Variants in EFL1 observed in about 807,000 individuals in gnomAD.
The protein encoded by EFL1 is elongation factor-like GTPase 1.
Under a neutral mutation model 126.7 loss-of-function variants are expected in EFL1, and 76 were observed. The ratio of observed to expected loss-of-function variants is 0.60; its 90% CI spans 0.50 to 0.73. The LOEUF (loss-of-function observed/expected upper bound fraction) is 0.73, where lower values mean the gene tolerates loss of function less well. EFL1 is among the 30% of genes least tolerant of loss of function. EFL1 has a pLI of 0.00. For synonymous variants in EFL1, 410 were observed against 448.4 expected (o/e 0.91, Z 1.08); for missense variants, 1,128 against 1,343.2 (o/e 0.84, Z 2.50).
Position 82,227,418 on chromosome 15 carries a change from T to A in EFL1, c.1192+32A>T, listed in dbSNP as rs552729269. On this transcript the variant is annotated intron_variant, in intron 11 of 19. Coordinates refer to ENST00000268206, the MANE Select transcript of EFL1 (RefSeq NM_024580.6). ...CCTGGATGGAGGACAGTCAATGACATGGTATATTCCAACAGGTCCATCTTT... is the reference window on the plus strand; with the variant it reads ...CCTGGATGGAGGACAGTCAATGACAAGGTATATTCCAACAGGTCCATCTTT... 6.8e-6 allele frequency: 11 copies of A among 1,613,906 alleles called. No individual in the cohort carries two copies. The African/African-American group carries it at 1.2e-4, about 18-fold the overall frequency.
rs140370147 is a variant in EFL1 at position 82,139,860 on chromosome 15, G to A, written c.2990-1018C>T. Among the ~76,000 whole-genome samples, 235 of 152,324 alleles carry A rather than the reference G, an allele frequency of 1.5e-3. 1 individual carries two copies. Among genetic ancestry groups the A allele is most frequent in the Admixed American group, 0.013 (203 of 15,298 alleles). On this transcript the variant is annotated intron_variant, in intron 18 of 19. Transcript: ENST00000268206. Reference sequence around the variant, plus strand: ...CTTCTCTCCTAACTGCCAAGGTGATGAGTCTGGAGTGTCTGCTACCCACTT... The same window carrying A: ...CTTCTCTCCTAACTGCCAAGGTGATAAGTCTGGAGTGTCTGCTACCCACTT...
intron 2 of EFL1, among the ~76,000 whole-genome samples, chr15:82,260,825 C>G (rs889938906): frequency 6.6e-6 from 1 of 152,204 alleles, no homozygotes; most frequent in Non-Finnish European, 1.5e-5. Context: ...CCTGCTTCTT[C>G]ACCTCGCCAA....
At chr15:82,184,554 C>T (rs72749561) in intron 15 of EFL1, among the ~76,000 whole-genome samples, 29,501 of 152,152 alleles carry the variant, frequency 0.19, 3,106 homozygotes, top group South Asian at 0.39. Context: ...AAAGCAGCAC[C>T]CACCTGTACC....
intron 15 of EFL1, among the ~76,000 whole-genome samples, chr15:82,179,151 T>C (rs560480273): frequency 4.6e-5 from 7 of 151,500 alleles, no homozygotes; most frequent in Non-Finnish European, 1.0e-4. Flanking sequence ...CTCTAACAAA[T>C]TAAATAAATA....
chr15:82,203,985 G>A (rs71410578), intron 15 of EFL1, among the ~76,000 whole-genome samples: 10,888 of 152,140 alleles, frequency 0.072, 734 homozygotes, highest in East Asian at 0.35. Flanking sequence ...CTGTTGTCAA[G>A]TATTTTTTCA....
At chr15:82,195,229 T>G (rs2074397054) in intron 15 of EFL1, among the ~76,000 whole-genome samples, 1 of 152,214 alleles carries the variant, frequency 6.6e-6, no homozygotes, top group South Asian at 2.1e-4. Flanking sequence ...GAAATCAGAC[T>G]TTAATGAGCC....
At chr15:82,238,548 C>T (rs1420017252) in intron 6 of EFL1, 27 bp from the exon 7 acceptor site, 3 of 1,556,718 alleles carry the variant, frequency 1.9e-6, no homozygotes, top group African/African-American at 1.4e-5. Context: ...AATGGCAGAG[C>T]GTCATTCAGA....
chr15:82,179,181 G>T (rs2074223988), intron 15 of EFL1, among the ~76,000 whole-genome samples: 1 of 151,976 alleles, frequency 6.6e-6, no homozygotes, highest in South Asian at 2.1e-4. Context: ...ATGGCTCATT[G>T]GATTTGGCTT....
intron 15 of EFL1, among the ~76,000 whole-genome samples, chr15:82,208,422 T>C (rs1486135507): frequency 6.6e-6 from 1 of 152,214 alleles, no homozygotes; most frequent in Non-Finnish European, 1.5e-5. Flanking sequence ...GTTATTTGAA[T>C]TCAATCTATT....
chr15:82,149,097 C>T (rs1194566915), intron 18 of EFL1, among the ~76,000 whole-genome samples: 1 of 151,546 alleles, frequency 6.6e-6, no homozygotes, highest in African/African-American at 2.4e-5. Flanking sequence ...CAGACAAGGA[C>T]ACATGAAAAA....
Position 82,152,283 on chromosome 15 carries a change from T to C in EFL1, c.2171A>G (p.Asp724Gly). 6.2e-7 allele frequency: 1 copy of C among 1,614,164 alleles called. No individual in the cohort carries two copies. Among genetic ancestry groups the C allele is most frequent in the Non-Finnish European group, 8.5e-7 (1 of 1,179,994 alleles). ...GATTCCTTCAGGGATTTTGCTTTGA[T>C]CTTCTTTCATTTGGTGTATGACTGC... The part of the protein sequence containing the change: ...KVAVIHQMKE[D>G]QSKIPEGIQV... Residue 724 changes from aspartate to glycine, a missense_variant, in exon 18 of 20, where the codon GAT (aspartate) becomes GGT (glycine). Transcript: ENST00000268206.
At chr15:82,224,750 C>G (rs1347838854) in intron 12 of EFL1, among the ~76,000 whole-genome samples, 1 of 152,170 alleles carries the variant, frequency 6.6e-6, no homozygotes, top group Non-Finnish European at 1.5e-5. Context: ...ATATCCCTCT[C>G]CTACACCTAT....
At chr15:82,248,339 C>T (rs1257128887) in intron 4 of EFL1, among the ~76,000 whole-genome samples, 1 of 152,086 alleles carries the variant, frequency 6.6e-6, no homozygotes, top group Non-Finnish European at 1.5e-5. Context: ...CAAGTTAGGA[C>T]CATGGGTAAA....
chr15:82,135,732 T>C (rs943319750), intron 19 of EFL1, among the ~76,000 whole-genome samples: 42 of 152,322 alleles, frequency 2.8e-4, no homozygotes, highest in African/African-American at 1.0e-3. Context: ...ATGACTGGTT[T>C]TGGGCATTGG....
rs376887874 is a variant in EFL1, at chr15:82,227,583, T to C, written c.1070-11A>G. 1.7e-5 allele frequency: 27 copies of C among 1,613,958 alleles called. No homozygotes were observed. Among genetic ancestry groups the C allele is most frequent in the Admixed American group, 1.0e-4 (6 of 60,006 alleles). On this transcript the variant is annotated splice_polypyrimidine_tract_variant and intron_variant, in intron 10 of 19. Transcript: ENST00000268206. ...TCTGACACACCATAGCTGAAGTCTA[T>C]TGTTAAGGACTGAAAACCTTGAGCC...
chr15:82,236,658 C>T (rs2074875675), intron 7 of EFL1, among the ~76,000 whole-genome samples: 1 of 152,192 alleles, frequency 6.6e-6, no homozygotes, highest in Admixed American at 6.5e-5. Flanking sequence ...CCAAGCCTCA[C>T]ACTTTATACA....
intron 15 of EFL1, among the ~76,000 whole-genome samples, chr15:82,203,116 C>T (rs1364198812): frequency 6.6e-6 from 1 of 151,802 alleles, no homozygotes; most frequent in African/African-American, 2.4e-5. Context: ...CAGACTGTTC[C>T]CTAACTTTTT....
intron 18 of EFL1, among the ~76,000 whole-genome samples, chr15:82,147,628 A>G (rs998289203): frequency 3.5e-4 from 17 of 48,564 alleles, no homozygotes; most frequent in African/African-American, 3.0e-3. Context: ...GGCAATAGTG[A>G]AAAAAAAAAA....
chr15:82,170,679 C>A (rs2074126545), intron 15 of EFL1, among the ~76,000 whole-genome samples: 2 of 152,122 alleles, frequency 1.3e-5, no homozygotes, highest in South Asian at 4.1e-4. Flanking sequence ...AATTTAAGAG[C>A]TATTTTGGAG....
Sources: gnomAD v4.1 joint callset for allele counts (sites outside exome capture counted in the v4.1 genomes callset) on GRCh38, gnomAD v4.1.1 for gene constraint, MANE v1.5 for transcripts, NCBI Gene and HGNC (gene_info 2026-07-23, HGNC 2026-07-21) for gene names.